PCDH11X: variants seen among roughly 807,000 people sequenced by gnomAD.
PCDH11X encodes the protein protocadherin 11 X-linked, also known as protocadherin-11 X-linked.
In PCDH11X, 18 loss-of-function variants were observed where a neutral mutation model predicts 53.3. That is an observed-to-expected ratio of 0.34 (90% CI 0.23 to 0.50). The LOEUF (loss-of-function observed/expected upper bound fraction) is 0.50. Among genes scored for constraint, PCDH11X ranks in the 20% least tolerant of loss-of-function variants. The pLI is 0.98. For synonymous variants in PCDH11X, 279 were observed against 393.3 expected, an observed-to-expected ratio of 0.71 and a Z score of 3.44; for missense variants, 570 against 1,032.4, an observed-to-expected ratio of 0.55 and a Z score of 6.14.
intron 6 of PCDH11X, among the ~76,000 whole-genome samples, chrX:91,927,061 T>A (rs1941971375): frequency 1.8e-5 from 2 of 111,123 alleles, no homozygotes; most frequent in Admixed American, 9.7e-5. Flanking sequence ...AAGCAAGAAC[T>A]GTTTTGACAA....
At chrX:91,971,689 T>C (rs1045047990) in intron 6 of PCDH11X, among the ~76,000 whole-genome samples, 2 of 112,198 alleles carry the variant, frequency 1.8e-5, no homozygotes, top group Admixed American at 1.9e-4. Flanking sequence ...GGCAGAATTT[T>C]GACAGTGAAC....
At chrX:91,905,328 C>T (rs1941115570) in intron 6 of PCDH11X, among the ~76,000 whole-genome samples, 2 of 109,711 alleles carry the variant, frequency 1.8e-5, no homozygotes, top group African/African-American at 6.6e-5. Context: ...CAAGGTCTCA[C>T]TATATTCCCT....
At chrX:91,853,591 A>T (rs1938158966) in intron 5 of PCDH11X, among the ~76,000 whole-genome samples, 1 of 108,577 alleles carries the variant, frequency 9.2e-6, no homozygotes, top group East Asian at 2.8e-4. Context: ...AGCAATTTTA[A>T]AATAATAAAC....
chrX:92,388,107 T>A (rs1005014858), intron 9 of PCDH11X, among the ~76,000 whole-genome samples, 174 bp downstream of exon 9: 1 of 110,857 alleles, frequency 9.0e-6, no homozygotes, highest in Admixed American at 9.6e-5. Context: ...CAGTTTATAA[T>A]ATTTTAAATG....
chrX:92,562,824 C>T (rs1347686677), intron 10 of PCDH11X, among the ~76,000 whole-genome samples: 4 of 110,205 alleles, frequency 3.6e-5, no homozygotes, highest in African/African-American at 1.3e-4. Context: ...ATAAGTTTCT[C>T]ATTTCCATCT....
chrX:92,398,142 G>A (rs1441373929), intron 9 of PCDH11X, among the ~76,000 whole-genome samples: 1 of 111,800 alleles, frequency 8.9e-6, no homozygotes, highest in Non-Finnish European at 1.9e-5. Context: ...ATATCATGGC[G>A]AAAGATCTTA....
intron 6 of PCDH11X, among the ~76,000 whole-genome samples, chrX:91,941,673 T>A (rs2061512210): frequency 9.2e-6 from 1 of 108,794 alleles, no homozygotes; most frequent in East Asian, 2.9e-4. Context: ...AGAGAGGACA[T>A]AATAGACTGG....
intron 8 of PCDH11X, among the ~76,000 whole-genome samples, chrX:92,320,151 A>G (rs66536734): frequency 0.13 from 14,786 of 111,297 alleles, 738 homozygotes; most frequent in Middle Eastern, 0.18. Context: ...ACCTTGTCTC[A>G]TACTGCTCAG....
At chrX:92,265,726 G>A (rs2067816204) in intron 8 of PCDH11X, among the ~76,000 whole-genome samples, 1 of 111,016 alleles carries the variant, frequency 9.0e-6, no homozygotes, top group Non-Finnish European at 1.9e-5. Flanking sequence ...GCTTGCCTAA[G>A]GTTACAGAGC....
chrX:92,082,125 C>G (rs1228793757), intron 6 of PCDH11X, among the ~76,000 whole-genome samples: 1 of 111,139 alleles, frequency 9.0e-6, no homozygotes, highest in African/African-American at 3.3e-5. Flanking sequence ...AAACCCAGGC[C>G]TACCTGACAC....
At chrX:91,821,951 G>C (rs1306618000) in intron 4 of PCDH11X, among the ~76,000 whole-genome samples, 2 of 100,008 alleles carry the variant, frequency 2.0e-5, no homozygotes, top group African/African-American at 9.0e-5. Flanking sequence ...TTTGTCTTTG[G>C]CTCTGTTTAT....
intron 9 of PCDH11X, among the ~76,000 whole-genome samples, chrX:92,443,567 A>G (rs1362001812): frequency 1.8e-5 from 2 of 110,379 alleles, no homozygotes; most frequent in Non-Finnish European, 3.8e-5. Flanking sequence ...TGATGTAATC[A>G]CTTTTGAGAA....
At chrX:92,310,839 A>G (rs1276162011) in intron 8 of PCDH11X, among the ~76,000 whole-genome samples, 4 of 112,496 alleles carry the variant, frequency 3.6e-5, no homozygotes, top group Non-Finnish European at 7.5e-5. Context: ...GTTAAAATGT[A>G]GATTTCGTTT....
intron 6 of PCDH11X, among the ~76,000 whole-genome samples, chrX:92,036,209 G>A (rs1330927204): frequency 1.9e-4 from 20 of 106,015 alleles, no homozygotes; most frequent in African/African-American, 6.6e-4. Context: ...ACTGATGCTC[G>A]TAGATGTTTG....
chrX:92,568,786 G>A (rs763925505), intron 10 of PCDH11X, among the ~76,000 whole-genome samples: 5 of 110,728 alleles, frequency 4.5e-5, no homozygotes, highest in Non-Finnish European at 9.4e-5. Flanking sequence ...AGTCAATAAC[G>A]AAACATTCAA....
intron 5 of PCDH11X, among the ~76,000 whole-genome samples, chrX:91,865,737 C>T (rs1938942512): frequency 1.8e-5 from 2 of 112,099 alleles, no homozygotes; most frequent in Admixed American, 9.4e-5. Context: ...CCTTGCTTCC[C>T]TGTACTTTCC....
At chrX:92,264,191 A>T (rs139312852) in intron 8 of PCDH11X, among the ~76,000 whole-genome samples, 1,706 of 112,379 alleles carry the variant, frequency 0.015, 32 homozygotes, top group African/African-American at 0.052. Flanking sequence ...AAGTGTGAGA[A>T]TTAATGGAAA....
intron 6 of PCDH11X, among the ~76,000 whole-genome samples, chrX:92,129,061 C>A (rs1349315405): frequency 9.0e-6 from 1 of 110,596 alleles, no homozygotes; most frequent in Non-Finnish European, 1.9e-5. Flanking sequence ...GTGTATATTT[C>A]TAATTAATTT....
chrX:91,952,572 G>T (rs1240556174), intron 6 of PCDH11X, among the ~76,000 whole-genome samples: 3 of 110,886 alleles, frequency 2.7e-5, no homozygotes, highest in Non-Finnish European at 5.7e-5. Flanking sequence ...TTTACTTTGG[G>T]ACATATTAAT....
Sources: gnomAD v4.1 joint callset for allele counts (sites outside exome capture counted in the v4.1 genomes callset) on GRCh38, gnomAD v4.1.1 for gene constraint, MANE v1.5 for transcripts, NCBI Gene and HGNC (gene_info 2026-07-23, HGNC 2026-07-21) for gene names.